AMOTL1: variants seen among roughly 807,000 people sequenced by gnomAD.
The protein encoded by AMOTL1 is angiomotin-like protein 1.
Under a neutral mutation model 102.9 loss-of-function variants are expected in AMOTL1, and 45 were observed. That is an observed-to-expected ratio of 0.44 (90% CI 0.34 to 0.56). The LOEUF (loss-of-function observed/expected upper bound fraction) is 0.56. AMOTL1 is among the 20% of genes least tolerant of loss of function. The probability of loss-of-function intolerance (pLI) is 0.01; values close to 1 mark genes in which losing one functional copy is unlikely to be tolerated. For synonymous variants in AMOTL1, 481 were observed against 484.7 expected (o/e 0.99, Z 0.10); for missense variants, 1,114 against 1,225.6 (o/e 0.91, Z 1.36).
intron 2 of AMOTL1, among the ~76,000 whole-genome samples, chr11:94,797,312 C>T (rs1388460287): frequency 6.6e-6 from 1 of 152,138 alleles, no homozygotes; most frequent in Non-Finnish European, 1.5e-5. Flanking sequence ...TTTCATAATG[C>T]TATAATAATA....
upstream of AMOTL1, among the ~76,000 whole-genome samples, chr11:94,766,536 A>T (rs1950856905): frequency 6.6e-6 from 1 of 152,184 alleles, no homozygotes; most frequent in Non-Finnish European, 1.5e-5. Flanking sequence ...GGTATCTAGG[A>T]GTGGGCAATT....
At chr11:94,817,232 C>T (rs1376289072) in intron 3 of AMOTL1, among the ~76,000 whole-genome samples, 3 of 151,146 alleles carry the variant, frequency 2.0e-5, no homozygotes, top group South Asian at 2.1e-4. Flanking sequence ...TTTTGGAAAT[C>T]GTTGAGTTAT....
chr11:94,769,530 G>T (rs985238376), intron 1 of AMOTL1, among the ~76,000 whole-genome samples: 1 of 152,314 alleles, frequency 6.6e-6, no homozygotes, highest in East Asian at 1.9e-4. Flanking sequence ...CCCGCGCCTC[G>T]CCCACCCTAC....
intron 2 of AMOTL1, among the ~76,000 whole-genome samples, chr11:94,736,333 C>T (rs1275942449): frequency 2.6e-5 from 4 of 152,330 alleles, no homozygotes; most frequent in African/African-American, 9.6e-5. Flanking sequence ...CTCACTGCAA[C>T]CTCTGCCTCA....
rs866659955 is a variant in AMOTL1, at chr11:94,728,060, A to G, written c.-50-861A>G. Reference sequence around the variant, plus strand: ...ATTGGTGCCTATCCTAATTAGGCTGACAGGACTTCTACTGTGTGGATGTCC... The same window carrying G: ...ATTGGTGCCTATCCTAATTAGGCTGGCAGGACTTCTACTGTGTGGATGTCC... On this transcript the variant is annotated intron_variant, in intron 1 of 4. Coordinates refer to the AMOTL1 transcript ENST00000299004. Among the ~76,000 whole-genome samples, 3 of 152,350 alleles carry G rather than the reference A, an allele frequency of 2.0e-5. 1 individual carries two copies. The Middle Eastern group carries it at 0.01, about 518-fold the overall frequency.
At chr11:94,831,034 A>T (rs934553013) in intron 5 of AMOTL1, among the ~76,000 whole-genome samples, 4 of 152,068 alleles carry the variant, frequency 2.6e-5, no homozygotes, top group African/African-American at 9.6e-5. Context: ...GGTATTCGTT[A>T]TTTTTTTTCT....
At chr11:94,793,447 CTTCTGA>C (rs1180394758) in intron 1 of AMOTL1, among the ~76,000 whole-genome samples, 1 of 152,226 alleles carries the variant, frequency 6.6e-6, no homozygotes, top group Non-Finnish European at 1.5e-5. Flanking sequence ...ATCCTCAGAG[CTTCTGA>C]TTGAATAGAT....
In AMOTL1 at chr11:94,754,696, G is replaced by A. The variant is rs1463271512; in HGVS notation, c.136+13708G>A. ...ACTGTTTACCAAATGAGAGACTAAGGGCTCCACTAAAGGAATTTTAGGGAT... is the reference window on the plus strand; with the variant it reads ...ACTGTTTACCAAATGAGAGACTAAGAGCTCCACTAAAGGAATTTTAGGGAT... On this transcript the variant is annotated intron_variant, in intron 3 of 4. Transcript: ENST00000299004. Among the ~76,000 whole-genome samples the A allele has an allele frequency of 7.2e-5, 11 of 152,236 alleles. No individual in the cohort carries two copies. The East Asian group carries it at 1.5e-3, about 21-fold the overall frequency.
chr11:94,738,761 G>A (rs1430860), intron 2 of AMOTL1, among the ~76,000 whole-genome samples: 103,030 of 152,088 alleles, frequency 0.68, 37,592 homozygotes, highest in Non-Finnish European at 0.82. Flanking sequence ...TGAGGAGAGT[G>A]AGGGGCAGAG....
intron 2 of AMOTL1, among the ~76,000 whole-genome samples, chr11:94,736,973 C>G (rs1036410941): frequency 6.6e-6 from 1 of 152,198 alleles, no homozygotes; most frequent in Non-Finnish European, 1.5e-5. Flanking sequence ...TGGCTCTATT[C>G]TACTTCCTAA....
At chr11:94,809,523 A>G (rs1951633457) in intron 3 of AMOTL1, among the ~76,000 whole-genome samples, 1 of 152,218 alleles carries the variant, frequency 6.6e-6, no homozygotes, top group Non-Finnish European at 1.5e-5. Context: ...CACGGGCTGT[A>G]GGGACAGGGA....
At chr11:94,771,265 G>A (rs1358835406) in intron 1 of AMOTL1, among the ~76,000 whole-genome samples, 1 of 146,236 alleles carries the variant, frequency 6.8e-6, no homozygotes, top group African/African-American at 2.5e-5. Flanking sequence ...GGGTTGGGGG[G>A]GGGGTGCGGT....
At chr11:94,740,855 G>A (rs930423978) in intron 2 of AMOTL1, 144 of 1,135,752 alleles carry the variant, frequency 1.3e-4, no homozygotes, top group Non-Finnish European at 3.0e-5. Flanking sequence ...TTTTCCCGGG[G>A]ACCTGCGCTT....
rs1339303847 is a variant in AMOTL1 at position 94,873,413 on chromosome 11, A to T, written c.*2618A>T. ...GAGCTTTCCTGAAGTCCGGCCATAT[A>T]CTGAGTACCTGCTCTGAGTTCTGGG... On this transcript the variant is annotated 3_prime_UTR_variant, in exon 13 of 13. Transcript: ENST00000433060. The T allele has an allele frequency of 6.6e-6, 1 of 152,174 alleles. No homozygotes were observed. The highest frequency in any genetic ancestry group is 1.5e-5 in the Non-Finnish European group (1 of 68,040). 9.4% of individuals were successfully genotyped at this position (152,174 alleles called of 1,614,324 possible).
chr11:94,855,867 G>A (rs1390191557), intron 8 of AMOTL1, among the ~76,000 whole-genome samples: 1 of 152,190 alleles, frequency 6.6e-6, no homozygotes, highest in East Asian at 1.9e-4. Flanking sequence ...ACAGGCTGAG[G>A]AGTGCCAGTA....
chr11:94,742,032 C>A (rs565956441), intron 3 of AMOTL1, among the ~76,000 whole-genome samples: 3 of 152,312 alleles, frequency 2.0e-5, no homozygotes, highest in South Asian at 4.1e-4. Context: ...CAACGACTTT[C>A]ATTCATTTCT....
At chr11:94,746,140 G>A (rs1379148426) in intron 3 of AMOTL1, among the ~76,000 whole-genome samples, 1 of 152,162 alleles carries the variant, frequency 6.6e-6, no homozygotes, top group Non-Finnish European at 1.5e-5. Context: ...CACCAAAAAG[G>A]GGATTTTTTA....
At chr11:94,736,145 G>C (rs1023718414) in intron 2 of AMOTL1, among the ~76,000 whole-genome samples, 1 of 152,158 alleles carries the variant, frequency 6.6e-6, no homozygotes, top group Non-Finnish European at 1.5e-5. Flanking sequence ...CCCTCTTGCT[G>C]TCTGCTGGGG....
In AMOTL1 at chr11:94,768,571, C is replaced by T. The variant is rs1359864005; in HGVS notation, c.49+11C>T. ...AGCCTGCGGTGAAAGGTAACCAGCC[C>T]CCACTCGAGGTGCCGGGAGGGCGTC... On this transcript the variant is annotated intron_variant, in intron 1 of 12. Coordinates refer to ENST00000433060, the MANE Select transcript of AMOTL1 (RefSeq NM_130847.3). 1.3e-6 allele frequency: 2 copies of T among 1,590,176 alleles called. No individual in the cohort carries two copies. Among genetic ancestry groups the T allele is most frequent in the South Asian group, 1.2e-5 (1 of 86,836 alleles).
Sources: allele counts gnomAD v4.1 joint callset (sites outside exome capture counted in the v4.1 genomes callset), GRCh38; gene constraint gnomAD v4.1.1; transcripts MANE v1.5; gene names NCBI Gene and HGNC (gene_info 2026-07-23, HGNC 2026-07-21).